GPC5: variants seen among roughly 807,000 people sequenced by gnomAD.
The protein encoded by GPC5 is glypican-5.
In GPC5, 47 loss-of-function variants were observed where a neutral mutation model predicts 53.9. The observed-to-expected ratio is 0.87, with a 90% CI of 0.69 to 1.11. The LOEUF (loss-of-function observed/expected upper bound fraction) is 1.11. Among genes scored for constraint, GPC5 ranks in the 50% most tolerant of loss-of-function variants. The pLI is 0.00. For missense variants in GPC5, 748 were observed against 713.1 expected (o/e 1.05, Z -0.56); for synonymous variants, 286 against 263.3 (o/e 1.09, Z -0.84).
At chr13:91,518,317 C>A (rs918439227) in intron 2 of GPC5, among the ~76,000 whole-genome samples, 3 of 152,112 alleles carry the variant, frequency 2.0e-5, no homozygotes, top group Admixed American at 1.3e-4. Context: ...ACTATGATCA[C>A]ATCATTGCGT....
At chr13:91,822,736 C>T (rs2038515743) in intron 5 of GPC5, among the ~76,000 whole-genome samples, 2 of 151,968 alleles carry the variant, frequency 1.3e-5, no homozygotes, top group South Asian at 2.1e-4. Flanking sequence ...AGGGTCAAGC[C>T]ATATCACATA....
In GPC5 at chr13:92,735,142, T is replaced by A. The variant is rs114338426; in HGVS notation, c.1562-131140T>A. ...CAGACAAAATACAAACATACGGCAT[T>A]TGTATTCTTTAAAAGTCTCAAGGAG... On this transcript the variant is annotated intron_variant, in intron 7 of 7. Transcript: ENST00000377067. Among the ~76,000 whole-genome samples, 1,136 of 152,012 alleles carry A rather than the reference T, an allele frequency of 7.5e-3. 16 individuals carry two copies. Among genetic ancestry groups the A allele is most frequent in the African/African-American group, 0.026 (1,076 of 41,528 alleles).
chr13:92,708,858 T>C (rs919560745), intron 7 of GPC5, among the ~76,000 whole-genome samples: 1 of 18,112 alleles, frequency 5.5e-5, no homozygotes, highest in African/African-American at 2.3e-4. Flanking sequence ...GGAAACCGCC[T>C]TTTTTTTTTT....
At chr13:92,261,633 C>T (rs2042767921) in intron 7 of GPC5, among the ~76,000 whole-genome samples, 1 of 151,946 alleles carries the variant, frequency 6.6e-6, no homozygotes, top group Non-Finnish European at 1.5e-5. Flanking sequence ...TACCAGTAAG[C>T]ATAATGATGT....
intron 7 of GPC5, among the ~76,000 whole-genome samples, chr13:92,811,257 G>C (rs912060899): frequency 1.1e-4 from 16 of 151,840 alleles, no homozygotes; most frequent in South Asian, 2.1e-4. Flanking sequence ...GAAATTGTTA[G>C]GTCGTATAGT....
At chr13:92,587,041 A>G (rs1248863869) in intron 7 of GPC5, among the ~76,000 whole-genome samples, 2 of 152,160 alleles carry the variant, frequency 1.3e-5, no homozygotes, top group African/African-American at 4.8e-5. Context: ...TTCTTGAACC[A>G]TCGATCAAAA....
intron 7 of GPC5, among the ~76,000 whole-genome samples, chr13:92,436,398 T>C (rs4771859): frequency 0.62 from 94,580 of 152,036 alleles, 29,674 homozygotes; most frequent in East Asian, 0.74. Context: ...TTCTTTCTGA[T>C]TCAGTTGCAG....
At chr13:92,342,228 G>C (rs2043372890) in intron 7 of GPC5, among the ~76,000 whole-genome samples, 1 of 152,002 alleles carries the variant, frequency 6.6e-6, no homozygotes, top group Admixed American at 6.6e-5. Flanking sequence ...CCACTGCTCT[G>C]AGCTCTACTT....
intron 6 of GPC5, among the ~76,000 whole-genome samples, chr13:92,032,851 A>T (rs1306614498): frequency 1.3e-5 from 2 of 152,164 alleles, no homozygotes; most frequent in Non-Finnish European, 2.9e-5. Flanking sequence ...CATCTGTCAC[A>T]CTACAGGCAT....
intron 4 of GPC5, among the ~76,000 whole-genome samples, chr13:91,750,466 C>T (rs2037147537): frequency 1.3e-5 from 2 of 152,082 alleles, no homozygotes; most frequent in African/African-American, 4.8e-5. Context: ...ATTCTCATAA[C>T]AGTAGAGAAA....
At chr13:92,628,769 T>C (rs1168558417) in intron 7 of GPC5, among the ~76,000 whole-genome samples, 2 of 152,152 alleles carry the variant, frequency 1.3e-5, no homozygotes. Flanking sequence ...CTCATTGGCC[T>C]GGCTGACATT....
chr13:92,816,137 C>G (rs527519807), intron 7 of GPC5, among the ~76,000 whole-genome samples: 2 of 151,976 alleles, frequency 1.3e-5, no homozygotes, highest in South Asian at 2.1e-4. Flanking sequence ...TGAAATGTAT[C>G]CAAATTGCTC....
intron 2 of GPC5, among the ~76,000 whole-genome samples, chr13:91,606,396 G>A (rs1378295921): frequency 1.3e-4 from 19 of 150,498 alleles, no homozygotes; most frequent in Non-Finnish European, 1.6e-4. Flanking sequence ...TGTTCATCAA[G>A]GATATTGGTC....
intron 5 of GPC5, among the ~76,000 whole-genome samples, chr13:91,828,563 A>G (rs757989401): frequency 2.6e-5 from 4 of 151,998 alleles, no homozygotes; most frequent in Non-Finnish European, 1.5e-5. Flanking sequence ...GGATAAATGG[A>G]TGGTTCCAGG....
intron 7 of GPC5, among the ~76,000 whole-genome samples, chr13:92,392,526 T>C (rs1875054596): frequency 6.6e-6 from 1 of 151,998 alleles, no homozygotes; most frequent in Middle Eastern, 3.2e-3. Flanking sequence ...CCCAAAGCAA[T>C]TGCAACAAAA....
At chr13:92,512,242 GTGTGTGTGCGCGCGCGCGCGCGTACGC>G (rs1880595066) in intron 7 of GPC5, among the ~76,000 whole-genome samples, 1 of 126,396 alleles carries the variant, frequency 7.9e-6, no homozygotes, top group African/African-American at 2.9e-5. Flanking sequence ...GTATGTGTGT[GTGTGTGTGCGCGCGCGCGCGCGTACGC>G]TGTGTGCATG....
intron 6 of GPC5, among the ~76,000 whole-genome samples, chr13:91,967,082 G>T (rs568723920): frequency 3.3e-5 from 5 of 152,282 alleles, no homozygotes; most frequent in African/African-American, 1.2e-4. Flanking sequence ...GTTCTACGTG[G>T]CTGGGGAGGC....
At chr13:92,662,399 A>G (rs1454303050) in intron 7 of GPC5, among the ~76,000 whole-genome samples, 1 of 152,168 alleles carries the variant, frequency 6.6e-6, no homozygotes, top group Non-Finnish European at 1.5e-5. Flanking sequence ...TCCTGCATTT[A>G]GACTTTCCTT....
chr13:91,849,085 C>G (rs1352748956), intron 5 of GPC5, among the ~76,000 whole-genome samples: 1 of 152,070 alleles, frequency 6.6e-6, no homozygotes, highest in East Asian at 1.9e-4. Flanking sequence ...TTTAGCTTAC[C>G]CTAGTATCTC....
Sources: allele counts gnomAD v4.1 joint callset (sites outside exome capture counted in the v4.1 genomes callset), GRCh38; gene constraint gnomAD v4.1.1; transcripts MANE v1.5; gene names NCBI Gene and HGNC (gene_info 2026-07-23, HGNC 2026-07-21).